The following CYB5R4 variants were observed in gnomAD, a reference collection of about 807,000 sequenced individuals.
The protein encoded by CYB5R4 is cytochrome b5 reductase 4.
CYB5R4 carries 55 observed loss-of-function variants against 70.2 expected under a neutral mutation model. That is an observed-to-expected ratio of 0.78 (90% confidence interval 0.63 to 0.98). CYB5R4 has a LOEUF of 0.98. CYB5R4 is among the 50% of genes least tolerant of loss of function. CYB5R4 has a pLI of 0.00. For missense variants in CYB5R4, 562 were observed against 612.6 expected, an observed-to-expected ratio of 0.92 and a Z score of 0.87; for synonymous variants, 197 against 199.5, an observed-to-expected ratio of 0.99 and a Z score of 0.11.
intron 5 of CYB5R4, among the ~76,000 whole-genome samples, chr6:83,916,228 A>G (rs1250701317): frequency 6.6e-6 from 1 of 152,122 alleles, no homozygotes; most frequent in Non-Finnish European, 1.5e-5. Flanking sequence ...GGAAGAGGAA[A>G]CAGTGGCTTG....
At chr6:83,946,421 TAAAG>T (rs1442030003) in intron 14 of CYB5R4, among the ~76,000 whole-genome samples, 1 of 152,102 alleles carries the variant, frequency 6.6e-6, no homozygotes, top group Non-Finnish European at 1.5e-5. Context: ...GAACATATCT[TAAAG>T]TAATAAGAGC....
At chr6:83,904,847 T>A (rs1172292179) in intron 3 of CYB5R4, among the ~76,000 whole-genome samples, 3 of 152,232 alleles carry the variant, frequency 2.0e-5, no homozygotes, top group Admixed American at 6.5e-5. Context: ...CTCACTGAAC[T>A]TCTTTAGAAT....
intron 2 of CYB5R4, among the ~76,000 whole-genome samples, chr6:83,888,431 G>A (rs1205859929): frequency 6.6e-6 from 1 of 152,078 alleles, no homozygotes; most frequent in Non-Finnish European, 1.5e-5. Context: ...CTCACTTCAT[G>A]TCTCTGTGTC....
intron 14 of CYB5R4, among the ~76,000 whole-genome samples, chr6:83,940,861 T>C (rs573176031): frequency 6.6e-6 from 1 of 152,310 alleles, no homozygotes; most frequent in South Asian, 2.1e-4. Flanking sequence ...TGATTTATAC[T>C]GAGTTGGGTT....
intron 2 of CYB5R4, among the ~76,000 whole-genome samples, chr6:83,868,785 T>C: frequency 6.6e-6 from 1 of 152,228 alleles, no homozygotes; most frequent in Admixed American, 6.5e-5. Flanking sequence ...TCAGACTGTT[T>C]TTACTGTAAT....
chr6:83,903,594 A>G (rs1188068839), intron 3 of CYB5R4, among the ~76,000 whole-genome samples: 1 of 151,976 alleles, frequency 6.6e-6, no homozygotes, highest in African/African-American at 2.4e-5. Flanking sequence ...GAATAATTTG[A>G]GGAGGATTTT....
chr6:83,919,478 AAAG>A (rs761140192), intron 7 of CYB5R4, 24 bp downstream of exon 7: 10 of 1,267,624 alleles, frequency 7.9e-6, no homozygotes, highest in Middle Eastern at 1.9e-4. Flanking sequence ...TAAAATCAGA[AAAG>A]AAGAAAATAA....
intron 10 of CYB5R4, among the ~76,000 whole-genome samples, chr6:83,932,866 C>T (rs1342468413): frequency 1.3e-5 from 2 of 152,138 alleles, no homozygotes; most frequent in Non-Finnish European, 2.9e-5. Flanking sequence ...AGTAAGAGTG[C>T]AGGTCTCATT....
At chr6:83,879,024 T>C (rs1166820060) in intron 2 of CYB5R4, among the ~76,000 whole-genome samples, 1 of 152,150 alleles carries the variant, frequency 6.6e-6, no homozygotes, top group Non-Finnish European at 1.5e-5. Flanking sequence ...TATTACTTGG[T>C]GTAAGACTTG....
rs1417292436 is a variant in CYB5R4 at position 83,963,781 on chromosome 6, C to A, written c.*3903C>A. On this transcript the variant is annotated 3_prime_UTR_variant, in exon 16 of 16. Transcript: ENST00000369681. ...CCAAACATCCTGATATGGTTTGGCT[C>A]TGTGTCACCACCCAAATCTCATCTT... 6.6e-6 allele frequency: 1 copy of A among 152,300 alleles called. No individual in the cohort carries two copies. Among genetic ancestry groups the A allele is most frequent in the Non-Finnish European group, 1.5e-5 (1 of 68,176 alleles). 9.4% of individuals were successfully genotyped at this position (152,300 alleles called of 1,614,324 possible).
chr6:83,902,958 G>A (rs1588570557), intron 3 of CYB5R4, among the ~76,000 whole-genome samples: 1 of 151,988 alleles, frequency 6.6e-6, no homozygotes, highest in African/African-American at 2.4e-5. Context: ...ATACAAAATA[G>A]TATTTGTTAA....
At chr6:83,945,239 A>G (rs2099470388) in intron 14 of CYB5R4, among the ~76,000 whole-genome samples, 2 of 152,230 alleles carry the variant, frequency 1.3e-5, no homozygotes, top group South Asian at 4.1e-4. Context: ...CCACAGTGCA[A>G]TCAAATTAGA....
intron 2 of CYB5R4, among the ~76,000 whole-genome samples, chr6:83,870,186 G>A (rs985134977): frequency 3.9e-5 from 6 of 152,176 alleles, no homozygotes; most frequent in African/African-American, 1.4e-4. Context: ...TTTACTAGTA[G>A]CAATGGGTCA....
At chr6:83,944,470 A>G (rs2099470253) in intron 14 of CYB5R4, among the ~76,000 whole-genome samples, 1 of 152,238 alleles carries the variant, frequency 6.6e-6, no homozygotes, top group African/African-American at 2.4e-5. Context: ...GGTACCAGCC[A>G]CTGCAGAAAC....
At chr6:83,958,995 G>T (rs527461841) in intron 15 of CYB5R4, among the ~76,000 whole-genome samples, 1 of 152,182 alleles carries the variant, frequency 6.6e-6, no homozygotes, top group Non-Finnish European at 1.5e-5. Flanking sequence ...AGATAGAATC[G>T]TAGGGGAATC....
intron 3 of CYB5R4, among the ~76,000 whole-genome samples, chr6:83,907,308 A>T (rs1213090935): frequency 6.6e-6 from 1 of 152,148 alleles, no homozygotes; most frequent in Non-Finnish European, 1.5e-5. Flanking sequence ...AGGTTGTTTA[A>T]ATATAATTTC....
chr6:83,891,696 G>A (rs1243066001), intron 2 of CYB5R4, among the ~76,000 whole-genome samples: 5 of 152,166 alleles, frequency 3.3e-5, no homozygotes, highest in Non-Finnish European at 7.3e-5. Context: ...GAAAGCATGG[G>A]ATACTACTCA....
intron 14 of CYB5R4, among the ~76,000 whole-genome samples, chr6:83,953,877 TTAAAA>T (rs546264795): frequency 1.1e-4 from 16 of 152,288 alleles, no homozygotes; most frequent in Middle Eastern, 3.4e-3. Flanking sequence ...TCAGCCTACT[TTAAAA>T]TAAAATTTTT....
At chr6:83,869,715 C>T (rs2099457273) in intron 2 of CYB5R4, among the ~76,000 whole-genome samples, 1 of 151,962 alleles carries the variant, frequency 6.6e-6, no homozygotes, top group Non-Finnish European at 1.5e-5. Flanking sequence ...CCCAGCTACT[C>T]TGGAGGCTGA....
Sources: gnomAD v4.1 joint callset for allele counts (sites outside exome capture counted in the v4.1 genomes callset) on GRCh38, gnomAD v4.1.1 for gene constraint, MANE v1.5 for transcripts, NCBI Gene and HGNC (gene_info 2026-07-23, HGNC 2026-07-21) for gene names.